Variants in DDX60L observed in about 807,000 individuals in gnomAD.
DDX60L encodes probable ATP-dependent RNA helicase DDX60-like.
Under a neutral mutation model 211.6 loss-of-function variants are expected in DDX60L, and 191 were observed. That is an observed-to-expected ratio of 0.90 (90% CI 0.80 to 1.02). DDX60L has a LOEUF of 1.02. Ranked by LOEUF, DDX60L falls within the 50% of genes least tolerant of loss-of-function variation. The pLI, the probability that DDX60L is intolerant of heterozygous loss-of-function variation, is 0.00. For synonymous variants in DDX60L, 706 were observed against 694.1 expected (o/e 1.02, Z -0.27); for missense variants, 2,007 against 1,984.1 (o/e 1.01, Z -0.22).
rs201080416 is a variant in DDX60L at position 168,433,125 on chromosome 4, A to G, written c.1295-10T>C. 23 of 1,569,564 alleles carry G rather than the reference A, an allele frequency of 1.5e-5. No homozygotes were observed. The highest frequency in any genetic ancestry group is 1.9e-5 in the Non-Finnish European group (22 of 1,146,910). On this transcript the variant is annotated splice_polypyrimidine_tract_variant and intron_variant, in intron 10 of 37. Coordinates refer to ENST00000682922, the MANE Select transcript of DDX60L (RefSeq NM_001012967.3). ...TTTTCCAAGGAGATTTCTGAAAACA[A>G]ATATAAATTTAAGATGAGAGGAAAG...
At chr4:168,379,077 A>T (rs561203258) in intron 32 of DDX60L, among the ~76,000 whole-genome samples, 3 of 152,262 alleles carry the variant, frequency 2.0e-5, no homozygotes, top group South Asian at 4.1e-4. Context: ...AAATCATATG[A>T]CCATCAGAAA....
chr4:168,455,272 TTGTG>T (rs34353821), intron 7 of DDX60L, among the ~76,000 whole-genome samples: 87 of 143,980 alleles, frequency 6.0e-4, no homozygotes, highest in East Asian at 1.6e-3. Flanking sequence ...CATACAAACT[TTGTG>T]TGTGTGTGTG....
chr4:168,449,820 A>T (rs927285115), intron 8 of DDX60L, among the ~76,000 whole-genome samples: 4 of 151,244 alleles, frequency 2.6e-5, no homozygotes, highest in East Asian at 1.9e-4. Flanking sequence ...AAAAAAAAAA[A>T]AAAGAGGTTA....
In DDX60L at chr4:168,412,768, G is replaced by A. The variant is rs75796754; in HGVS notation, c.2979+2640C>T. ...ATTCTAACCCAGTGCAGTCTCTGCA[G>A]TGGAGACCACAGGGATGCTATGTTG... On this transcript the variant is annotated intron_variant, in intron 22 of 37. Transcript: ENST00000682922. Among the ~76,000 whole-genome samples the A allele has an allele frequency of 4.0e-4, 61 of 152,340 alleles. No homozygotes were observed. In the East Asian group the frequency reaches 9.6e-3, roughly 24 times the overall value.
intron 36 of DDX60L, among the ~76,000 whole-genome samples, chr4:168,368,501 G>A (rs1344748690): frequency 6.6e-6 from 1 of 152,254 alleles, no homozygotes; most frequent in Non-Finnish European, 1.5e-5. Flanking sequence ...CCTGTTCTCA[G>A]GCAGTGAAGA....
At chr4:168,398,365 C>T (rs1351535390) in intron 26 of DDX60L, among the ~76,000 whole-genome samples, 1 of 152,226 alleles carries the variant, frequency 6.6e-6, no homozygotes. Context: ...CCCCTGTTGA[C>T]TCGGCTGTTT....
intron 19 of DDX60L, among the ~76,000 whole-genome samples, chr4:168,418,671 A>C (rs1450999528): frequency 6.6e-6 from 1 of 152,206 alleles, no homozygotes; most frequent in Non-Finnish European, 1.5e-5. Flanking sequence ...GAAGCAACAA[A>C]ATACAAAGCT....
Position 168,472,795 on chromosome 4 carries a change from A to G in DDX60L, c.-96T>C. 7.4e-7 allele frequency: 1 copy of G among 1,359,930 alleles called. No individual in the cohort carries two copies. The highest frequency in any genetic ancestry group is 1.0e-6 in the Non-Finnish European group (1 of 969,972). The allele number at this position is 1,359,930 out of a possible 1,614,324, so 84.2% of individuals were successfully genotyped here. On this transcript the variant is annotated 5_prime_UTR_variant, in exon 2 of 38. Coordinates refer to ENST00000682922, the MANE Select transcript of DDX60L (RefSeq NM_001012967.3). ...GACACCTCTAAAATGGCTACATTTG[A>G]TGTGAATGGCACCTCTGTAATAAAA...
intron 13 of DDX60L, among the ~76,000 whole-genome samples, 154 bp downstream of exon 13, chr4:168,430,324 G>A (rs923699557): frequency 2.6e-5 from 4 of 152,120 alleles, no homozygotes; most frequent in African/African-American, 4.8e-5. Flanking sequence ...TTACCCAATC[G>A]CAGGTATATC....
chr4:168,415,885 C>A, intron 20 of DDX60L, 86 bp from the exon 21 acceptor site: 1 of 1,250,346 alleles, frequency 8.0e-7, no homozygotes. Flanking sequence ...GAAAATTTCA[C>A]AAGTTTAAAA....
intron 8 of DDX60L, among the ~76,000 whole-genome samples, chr4:168,450,346 T>C (rs1755634554): frequency 6.6e-6 from 1 of 152,106 alleles, no homozygotes; most frequent in African/African-American, 2.4e-5. Flanking sequence ...ATTTCATCTC[T>C]GACCTGACCA....
At chr4:168,442,167 A>C (rs1285744655) in intron 9 of DDX60L, among the ~76,000 whole-genome samples, 1 of 152,128 alleles carries the variant, frequency 6.6e-6, no homozygotes, top group African/African-American at 2.4e-5. Flanking sequence ...GAGCCGAAGC[A>C]GGGCGAGGCA....
chr4:168,362,645 A>C (rs954891729), intron 36 of DDX60L, among the ~76,000 whole-genome samples: 1 of 152,184 alleles, frequency 6.6e-6, no homozygotes, highest in Non-Finnish European at 1.5e-5. Context: ...CAAAAGAACC[A>C]AAAAAATCGT....
chr4:168,371,759 A>G lies in DDX60L; in HGVS notation c.4781T>C (p.Ile1594Thr). ...GCCACTAACACCGACTGTGCGCAGG[A>G]TGACCTGAAGAAAGACATTTTCTAT... ...LLRPETINQV[I>T]LRTVGVSGTQ... Residue 1594 changes from isoleucine to threonine, a missense_variant, in exon 36 of 38, where the codon ATC (isoleucine) becomes ACC (threonine). By Grantham distance (89) the Ile-to-Thr change is moderately conservative. Transcript: ENST00000682922. 6.3e-7 allele frequency: 1 copy of G among 1,599,296 alleles called. No individual in the cohort carries two copies. The highest frequency in any genetic ancestry group is 8.5e-7 in the Non-Finnish European group (1 of 1,169,654).
intron 10 of DDX60L, among the ~76,000 whole-genome samples, chr4:168,440,515 A>G (rs565823814): frequency 6.6e-6 from 1 of 152,280 alleles, no homozygotes; most frequent in South Asian, 2.1e-4. Flanking sequence ...CAGTTTCATC[A>G]GCTTTTCTCC....
At chr4:168,379,886 GATA>G in intron 30 of DDX60L, 56 bp from the exon 31 acceptor site, 3 of 1,273,600 alleles carry the variant, frequency 2.4e-6, no homozygotes, top group Non-Finnish European at 3.4e-6. Context: ...TGTAAATACT[GATA>G]TGTAATAAAT....
At chr4:168,462,948 T>C (rs1757516171) in intron 4 of DDX60L, among the ~76,000 whole-genome samples, 1 of 152,012 alleles carries the variant, frequency 6.6e-6, no homozygotes, top group South Asian at 2.1e-4. Flanking sequence ...ATGGCTATTA[T>C]TAAAAATAAT....
chr4:168,448,847 C>T (rs1579725477), intron 8 of DDX60L, 68 bp from the exon 9 acceptor site: 1 of 1,434,562 alleles, frequency 7.0e-7, no homozygotes, highest in South Asian at 1.3e-5. Flanking sequence ...TGGTTAACCC[C>T]CTATAAGGTA....
At chr4:168,364,361 T>C (rs1031126516) in intron 36 of DDX60L, among the ~76,000 whole-genome samples, 5 of 152,208 alleles carry the variant, frequency 3.3e-5, no homozygotes, top group Non-Finnish European at 2.9e-5. Context: ...GGATATAGCA[T>C]TGTAATTCTA....
Sources: gnomAD v4.1 joint callset for allele counts (sites outside exome capture counted in the v4.1 genomes callset) on GRCh38, gnomAD v4.1.1 for gene constraint, MANE v1.5 for transcripts, NCBI Gene and HGNC (gene_info 2026-07-23, HGNC 2026-07-21) for gene names.